NRG1: variants seen among roughly 807,000 people sequenced by gnomAD.
NRG1 encodes neuregulin 1.
A neutral mutation model predicts 63.8 loss-of-function variants in NRG1; 18 were observed. The observed-to-expected ratio is 0.28, with a 90% CI of 0.19 to 0.42. The LOEUF is 0.42. NRG1 is among the 10% of genes least tolerant of loss of function. The probability of loss-of-function intolerance (pLI) is 1.00; values close to 1 mark genes in which losing one functional copy is unlikely to be tolerated. For synonymous variants in NRG1, 302 were observed against 301.3 expected, an observed-to-expected ratio of 1.00 and a Z score of -0.02; for missense variants, 762 against 814.7, an observed-to-expected ratio of 0.94 and a Z score of 0.79.
At chr8:31,842,055 A>G (rs1826249851) in intron 1 of NRG1, among the ~76,000 whole-genome samples, 1 of 152,202 alleles carries the variant, frequency 6.6e-6, no homozygotes, top group Admixed American at 6.5e-5. Flanking sequence ...TGCAAACTTA[A>G]TGTTGTCAAA....
chr8:31,958,639 T>C (rs766917421), intron 1 of NRG1, among the ~76,000 whole-genome samples: 34 of 152,190 alleles, frequency 2.2e-4, no homozygotes, highest in Admixed American at 1.3e-4. Context: ...ACTTGAGTCA[T>C]GAGGCTTAGA....
At chr8:32,037,794 G>T (rs1175842184) in intron 1 of NRG1, among the ~76,000 whole-genome samples, 1 of 152,156 alleles carries the variant, frequency 6.6e-6, no homozygotes, top group African/African-American at 2.4e-5. Context: ...AGGGAAAAAC[G>T]GCTGACTGGA....
intron 1 of NRG1, among the ~76,000 whole-genome samples, chr8:32,291,192 T>C (rs1055004594): frequency 6.6e-6 from 1 of 152,206 alleles, no homozygotes; most frequent in African/African-American, 2.4e-5. Flanking sequence ...TCCAGTTACA[T>C]GAGGTAGGGC....
chr8:32,380,751 CT>C (rs1262215331), intron 1 of NRG1, among the ~76,000 whole-genome samples: 2 of 152,142 alleles, frequency 1.3e-5, no homozygotes, highest in African/African-American at 2.4e-5. Context: ...AGTCCGTTCA[CT>C]TTTTAAAACA....
intron 1 of NRG1, among the ~76,000 whole-genome samples, chr8:32,456,632 G>A (rs942008303): frequency 3.3e-5 from 5 of 152,072 alleles, no homozygotes; most frequent in Admixed American, 1.3e-4. Flanking sequence ...GTAAGAATAC[G>A]GTATAGACTA....
intron 1 of NRG1, among the ~76,000 whole-genome samples, chr8:32,105,948 CA>C (rs148967741): frequency 0.02 from 3,090 of 152,222 alleles, 46 homozygotes; most frequent in South Asian, 0.058. Context: ...AGTGGAAATT[CA>C]TCTGGAAACT....
chr8:31,964,671 A>C (rs1291098721), intron 1 of NRG1, among the ~76,000 whole-genome samples: 3 of 152,126 alleles, frequency 2.0e-5, no homozygotes, highest in African/African-American at 7.2e-5. Flanking sequence ...AAACAATAAC[A>C]AAACACAGCA....
At chr8:32,189,701 A>G (rs1279436253) in intron 1 of NRG1, among the ~76,000 whole-genome samples, 7 of 152,162 alleles carry the variant, frequency 4.6e-5, no homozygotes, top group Non-Finnish European at 5.9e-5. Context: ...TGGCCCTCTT[A>G]GTGAGTGGCC....
intron 1 of NRG1, among the ~76,000 whole-genome samples, chr8:31,852,706 A>T (rs1354218246): frequency 6.6e-6 from 1 of 151,968 alleles, no homozygotes. Context: ...CTGAATGGTA[A>T]TGCCTAGGTT....
intron 1 of NRG1, among the ~76,000 whole-genome samples, chr8:31,763,703 C>T (rs1029491532): frequency 3.3e-5 from 5 of 152,222 alleles, no homozygotes; most frequent in African/African-American, 1.2e-4. Flanking sequence ...GTGATCCCAG[C>T]ACCTTGGGAG....
At chr8:31,856,755 T>C (rs1480725667) in intron 1 of NRG1, among the ~76,000 whole-genome samples, 1 of 133,808 alleles carries the variant, frequency 7.5e-6, no homozygotes, top group East Asian at 2.2e-4. Flanking sequence ...TATCTACTTT[T>C]GGTCTTTGAT....
At chr8:31,817,088 T>C (rs1285133979) in intron 1 of NRG1, among the ~76,000 whole-genome samples, 1 of 152,216 alleles carries the variant, frequency 6.6e-6, no homozygotes, top group Non-Finnish European at 1.5e-5. Flanking sequence ...CTCTAAGCAG[T>C]GCTTGCATAA....
At chr8:32,718,025 T>C (rs1819686682) in intron 5 of NRG1, among the ~76,000 whole-genome samples, 1 of 152,176 alleles carries the variant, frequency 6.6e-6, no homozygotes, top group South Asian at 2.1e-4. Context: ...AAAAAACATA[T>C]CATTTCAAGC....
intron 1 of NRG1, among the ~76,000 whole-genome samples, chr8:32,226,977 C>A (rs1253261700): frequency 6.6e-6 from 1 of 152,122 alleles, no homozygotes; most frequent in African/African-American, 2.4e-5. Flanking sequence ...ATTCACTTGG[C>A]ATAATTTTGT....
intron 1 of NRG1, among the ~76,000 whole-genome samples, chr8:32,494,065 C>T (rs753817267): frequency 2.0e-5 from 3 of 152,060 alleles, no homozygotes; most frequent in African/African-American, 4.8e-5. Context: ...GTAACAAATG[C>T]GGTGGTGTAA....
chr8:31,965,029 C>T (rs1275782427), intron 1 of NRG1, among the ~76,000 whole-genome samples: 1 of 152,082 alleles, frequency 6.6e-6, no homozygotes, highest in Non-Finnish European at 1.5e-5. Flanking sequence ...CAAACTCAGG[C>T]CAGTGATGGA....
chr8:32,177,127 A>T (rs1585864066), intron 1 of NRG1, among the ~76,000 whole-genome samples: 1 of 152,158 alleles, frequency 6.6e-6, no homozygotes, highest in Admixed American at 6.5e-5. Context: ...GCACATATAC[A>T]CCATGGAATA....
At chr8:32,049,765 G>A (rs1169821613) in intron 1 of NRG1, among the ~76,000 whole-genome samples, 4 of 152,118 alleles carry the variant, frequency 2.6e-5, no homozygotes, top group Admixed American at 2.6e-4. Context: ...AAGGGAAGAT[G>A]ATGATTTTCA....
At chr8:31,744,341 A>C (rs996119517) in intron 1 of NRG1, among the ~76,000 whole-genome samples, 2 of 152,034 alleles carry the variant, frequency 1.3e-5, no homozygotes, top group African/African-American at 4.8e-5. Flanking sequence ...ATACATGAAA[A>C]TGGGAACCTA....
Sources: allele counts gnomAD v4.1 joint callset (sites outside exome capture counted in the v4.1 genomes callset), GRCh38; gene constraint gnomAD v4.1.1; transcripts MANE v1.5; gene names NCBI Gene and HGNC (gene_info 2026-07-23, HGNC 2026-07-21).